The following GALNT18 variants were observed in gnomAD, a reference collection of about 807,000 sequenced individuals.
The protein encoded by GALNT18 is GalNAc-transferase 18.
GALNT18 carries 44 observed loss-of-function variants against 69.5 expected under a neutral mutation model. The observed-to-expected ratio is 0.63, with a 90% CI of 0.50 to 0.81. GALNT18 has a LOEUF of 0.81. Among genes scored for constraint, GALNT18 ranks in the 40% least tolerant of loss-of-function variants. GALNT18 has a pLI of 0.00. For missense variants in GALNT18, 715 were observed against 810.0 expected (o/e 0.88, Z 1.42); for synonymous variants, 364 against 318.2 (o/e 1.14, Z -1.53).
chr11:11,276,839 C>A (rs914771841), intron 10 of GALNT18, among the ~76,000 whole-genome samples: 1 of 152,162 alleles, frequency 6.6e-6, no homozygotes, highest in South Asian at 2.1e-4. Context: ...GTTGAACCAG[C>A]CTCGCAGCCC....
intron 1 of GALNT18, among the ~76,000 whole-genome samples, chr11:11,578,706 T>C (rs1412935660): frequency 6.6e-6 from 1 of 152,244 alleles, no homozygotes; most frequent in Admixed American, 6.5e-5. Flanking sequence ...CCGGGCCTCC[T>C]GTGCGCAGGA....
intron 1 of GALNT18, among the ~76,000 whole-genome samples, chr11:11,491,377 A>G (rs933318522): frequency 6.6e-6 from 1 of 152,224 alleles, no homozygotes; most frequent in African/African-American, 2.4e-5. Context: ...TCAGAGCACC[A>G]ATCTAGTCAC....
chr11:11,292,853 T>C (rs1164837740), intron 10 of GALNT18, among the ~76,000 whole-genome samples, 176 bp downstream of exon 10: 1 of 152,150 alleles, frequency 6.6e-6, no homozygotes, highest in Non-Finnish European at 1.5e-5. Context: ...CCACAGCACA[T>C]GGTAATTTGA....
intron 1 of GALNT18, among the ~76,000 whole-genome samples, chr11:11,492,026 A>T (rs1227634045): frequency 6.6e-6 from 1 of 152,242 alleles, no homozygotes; most frequent in East Asian, 1.9e-4. Flanking sequence ...TAAATTCTAA[A>T]ATGAAGAATG....
chr11:11,494,997 C>T lies in GALNT18; in HGVS notation c.236-46061G>A, dbSNP rs1856842874. ...CCCAGCATGAATCTTCAAGAGCATC[C>T]TGGTTTTGCCTAGGGAAGGGGAAGG... On this transcript the variant is annotated intron_variant, in intron 1 of 10. Transcript: ENST00000227756. This position sits in a 1 kb window ranked among gnomAD's most constrained non-coding sequence, Gnocchi z 5.7. Among the ~76,000 whole-genome samples the T allele has an allele frequency of 6.6e-6, 1 of 151,488 alleles. No individual in the cohort carries two copies. The highest frequency in any genetic ancestry group is 6.6e-5 in the Admixed American group (1 of 15,216).
intron 6 of GALNT18, chr11:11,352,925 A>C (rs1388725316): frequency 6.2e-7 from 1 of 1,613,778 alleles, no homozygotes; most frequent in Non-Finnish European, 8.5e-7. Flanking sequence ...TTTTAACAAC[A>C]ACTTTTTCAT....
intron 10 of GALNT18, among the ~76,000 whole-genome samples, chr11:11,285,713 A>G (rs1037288987): frequency 2.6e-5 from 4 of 152,172 alleles, no homozygotes; most frequent in African/African-American, 4.8e-5. Flanking sequence ...AAGGTTCTCA[A>G]AGTTGGACTT....
At chr11:11,370,127 T>C (rs1850866037) in intron 6 of GALNT18, among the ~76,000 whole-genome samples, 1 of 152,044 alleles carries the variant, frequency 6.6e-6, no homozygotes, top group Admixed American at 6.5e-5. Context: ...GTTTCGTGGA[T>C]GGATGACATA....
chr11:11,304,512 G>A (rs1359412657), intron 9 of GALNT18, among the ~76,000 whole-genome samples: 1 of 152,166 alleles, frequency 6.6e-6, no homozygotes, highest in African/African-American at 2.4e-5. Context: ...ATCACAAACA[G>A]CAAAGAGGGT....
At position 11,573,055 on chromosome 11, in the gene GALNT18, C is replaced by G. The variant is rs913819478; in HGVS notation, c.235+48304G>C. Among the ~76,000 whole-genome samples the G allele has an allele frequency of 3.9e-5, 6 of 152,108 alleles. No homozygotes were observed. The highest frequency in any genetic ancestry group is 4.8e-5 in the African/African-American group (2 of 41,436). On this transcript the variant is annotated intron_variant, in intron 1 of 10. Transcript: ENST00000227756. This position sits in a 1 kb window ranked among gnomAD's most constrained non-coding sequence, Gnocchi z 4.6. The stretch of plus-strand genomic sequence containing the variant: ...CTTAGCCCATTTTACAGATGAGAAA[C>G]CTGGGTCTCAGAGATACTAATGAAA...
chr11:11,278,343 A>G (rs1056654864), intron 10 of GALNT18, among the ~76,000 whole-genome samples: 7 of 149,060 alleles, frequency 4.7e-5, no homozygotes, highest in African/African-American at 1.5e-4. Context: ...CAGGGAAGGC[A>G]TCACACAGTG....
chr11:11,374,189 G>A (rs1850980522), intron 5 of GALNT18, among the ~76,000 whole-genome samples: 1 of 152,176 alleles, frequency 6.6e-6, no homozygotes, highest in South Asian at 2.1e-4. Flanking sequence ...TGTGGTGGAG[G>A]TAACTGAACC....
At chr11:11,581,593 C>T (rs1277569915) in intron 1 of GALNT18, among the ~76,000 whole-genome samples, 1 of 151,786 alleles carries the variant, frequency 6.6e-6, no homozygotes, top group Admixed American at 6.6e-5. Context: ...ACCTGCTGCA[C>T]TCACAGAGCA....
chr11:11,428,021 A>G (rs7483074), intron 3 of GALNT18, among the ~76,000 whole-genome samples: 85,308 of 152,134 alleles, frequency 0.56, 25,551 homozygotes, highest in East Asian at 0.77. Context: ...CTTATCTGCC[A>G]AACTCCCCAT....
At chr11:11,289,662 T>C (rs1849262956) in intron 10 of GALNT18, among the ~76,000 whole-genome samples, 1 of 152,074 alleles carries the variant, frequency 6.6e-6, no homozygotes, top group African/African-American at 2.4e-5. Flanking sequence ...CATCTAGGTG[T>C]GCACAGGAGA....
chr11:11,473,926 A>G (rs1856330991), intron 1 of GALNT18, among the ~76,000 whole-genome samples: 1 of 152,100 alleles, frequency 6.6e-6, no homozygotes, highest in African/African-American at 2.4e-5. Flanking sequence ...TTAGCTGGGT[A>G]TATTGGTGCA....
chr11:11,561,242 C>T (rs182592278), intron 1 of GALNT18, among the ~76,000 whole-genome samples: 1 of 152,146 alleles, frequency 6.6e-6, no homozygotes, highest in Non-Finnish European at 1.5e-5. Context: ...CTGAGCCTAG[C>T]CACCTTCTCT....
chr11:11,506,756 C>T (rs376267790), intron 1 of GALNT18, among the ~76,000 whole-genome samples: 1 of 152,156 alleles, frequency 6.6e-6, no homozygotes, highest in Non-Finnish European at 1.5e-5. Context: ...AACTTCCAGT[C>T]AATGGGCAAG....
intron 5 of GALNT18, among the ~76,000 whole-genome samples, chr11:11,374,973 AT>A: frequency 6.6e-6 from 1 of 152,350 alleles, no homozygotes; most frequent in Non-Finnish European, 1.5e-5. Flanking sequence ...ATATTAATTG[AT>A]TCCCTGGGGA....
Sources: gnomAD v4.1 joint callset for allele counts (sites outside exome capture counted in the v4.1 genomes callset) on GRCh38, gnomAD v4.1.1 for gene constraint, Gnocchi (gnomAD v3.1) non-coding constraint, MANE v1.5 for transcripts, NCBI Gene and HGNC (gene_info 2026-07-23, HGNC 2026-07-21) for gene names.